Variants in TBXAS1 observed in about 807,000 individuals in gnomAD.
TBXAS1 encodes thromboxane A synthase 1, also known as thromboxane-A synthase.
A neutral mutation model predicts 60.7 loss-of-function variants in TBXAS1; 48 were observed. That is an observed-to-expected ratio of 0.79 (90% CI 0.63 to 1.01). TBXAS1 has a LOEUF of 1.01. Among genes scored for constraint, TBXAS1 ranks in the 50% least tolerant of loss-of-function variants. The pLI, the probability that TBXAS1 is intolerant of heterozygous loss-of-function variation, is 0.00. For missense variants in TBXAS1, 685 were observed against 686.3 expected, an observed-to-expected ratio of 1.00 and a Z score of 0.02; for synonymous variants, 287 against 269.7, an observed-to-expected ratio of 1.06 and a Z score of -0.63.
chr7:139,883,803 A>T (rs571672433), intron 3 of TBXAS1, among the ~76,000 whole-genome samples: 3 of 152,232 alleles, frequency 2.0e-5, no homozygotes, highest in Non-Finnish European at 4.4e-5. Context: ...ACACACATAC[A>T]TTTGAAATAA....
At chr7:139,785,790 C>T (rs1797172572) in intron 3 of TBXAS1, among the ~76,000 whole-genome samples, 2 of 152,072 alleles carry the variant, frequency 1.3e-5, no homozygotes, top group African/African-American at 4.8e-5. Context: ...CCTTCCCAAT[C>T]TCATCTCCCA....
chr7:139,824,674 A>G (rs1181890689), upstream of TBXAS1, among the ~76,000 whole-genome samples: 1 of 152,170 alleles, frequency 6.6e-6, no homozygotes, highest in Non-Finnish European at 1.5e-5. Flanking sequence ...ATAAAAACTA[A>G]AAATATACAT....
rs962629585 is a variant in TBXAS1 at position 139,941,032 on chromosome 7, G to A, written c.450+4725G>A. Among the ~76,000 whole-genome samples the A allele has an allele frequency of 2.6e-5, 4 of 152,118 alleles. No individual in the cohort carries two copies. In the South Asian group the frequency reaches 8.3e-4, roughly 31 times the overall value. On this transcript the variant is annotated intron_variant, in intron 5 of 12. Transcript: ENST00000448866. ...ACAAAAAGTCACAGACACAAAGAGG[G>A]AAATGAGCCACAGTGTTAGGAGATA... is the stretch of plus-strand genomic sequence containing the variant.
At chr7:140,007,895 G>A (rs1052242807) in intron 10 of TBXAS1, among the ~76,000 whole-genome samples, 1 of 152,184 alleles carries the variant, frequency 6.6e-6, no homozygotes, top group African/African-American at 2.4e-5. Context: ...CAACCTGTGG[G>A]TATCTTGAGA....
intron 1 of TBXAS1, among the ~76,000 whole-genome samples, chr7:139,837,658 G>A (rs1799157306): frequency 6.6e-6 from 1 of 152,160 alleles, no homozygotes; most frequent in Non-Finnish European, 1.5e-5. Context: ...TGGGGACTTG[G>A]AGGGAAGTAT....
At chr7:139,822,932 A>G (rs1798337210) in intron 4 of TBXAS1, among the ~76,000 whole-genome samples, 1 of 151,850 alleles carries the variant, frequency 6.6e-6, no homozygotes, top group East Asian at 1.9e-4. Context: ...TTGCTGCTCA[A>G]TTTTACCTCC....
At chr7:139,906,012 T>A (rs1805047967) in intron 3 of TBXAS1, 1 of 236,702 alleles carries the variant, frequency 4.2e-6, no homozygotes. Flanking sequence ...TTTGAGTTCA[T>A]TTTTTGCATA....
At chr7:140,014,521 G>A (rs1233027813) in intron 10 of TBXAS1, among the ~76,000 whole-genome samples, 5 of 152,154 alleles carry the variant, frequency 3.3e-5, no homozygotes, top group Non-Finnish European at 7.3e-5. Context: ...AGAAGAGCCT[G>A]CCAATGAGGG....
chr7:139,933,027 C>T (rs893791490), intron 4 of TBXAS1, among the ~76,000 whole-genome samples: 2 of 152,124 alleles, frequency 1.3e-5, no homozygotes, highest in East Asian at 1.9e-4. Context: ...AATGCACTAC[C>T]GCCTGGGTGA....
chr7:139,987,833 C>T (rs963481941), intron 9 of TBXAS1, among the ~76,000 whole-genome samples: 1 of 152,178 alleles, frequency 6.6e-6, no homozygotes, highest in Non-Finnish European at 1.5e-5. Flanking sequence ...CACATTGGGA[C>T]ACTAAGTAAT....
At chr7:140,012,867 A>G (rs1246915933) in intron 10 of TBXAS1, among the ~76,000 whole-genome samples, 1 of 152,220 alleles carries the variant, frequency 6.6e-6, no homozygotes, top group Non-Finnish European at 1.5e-5. Flanking sequence ...TTTTGTTTCT[A>G]GAATGTTGCA....
intron 9 of TBXAS1, among the ~76,000 whole-genome samples, chr7:140,003,123 T>TAA (rs1569524262): frequency 8.4e-6 from 1 of 119,430 alleles, no homozygotes. Flanking sequence ...AAACTCCGTC[T>TAA]CAAAAAAAAA....
chr7:139,967,263 CT>C (rs1390302031), intron 9 of TBXAS1, among the ~76,000 whole-genome samples: 1 of 152,226 alleles, frequency 6.6e-6, no homozygotes, highest in African/African-American at 2.4e-5. Context: ...TCTCCAAGTA[CT>C]TTTCCTTTGC....
At chr7:139,939,370 C>CAAAAAAA (rs61551753) in intron 5 of TBXAS1, among the ~76,000 whole-genome samples, 12 of 48,850 alleles carry the variant, frequency 2.5e-4, no homozygotes, top group East Asian at 7.9e-4. Context: ...GACTCCATCT[C>CAAAAAAA]AAAAAAAAAA....
intron 3 of TBXAS1, among the ~76,000 whole-genome samples, chr7:139,891,241 A>G (rs746079889): frequency 6.7e-6 from 1 of 149,706 alleles, no homozygotes; most frequent in Non-Finnish European, 1.5e-5. Context: ...ATTATAATAT[A>G]TATATATTTA....
At chr7:139,945,593 C>G (rs1363459587) in intron 5 of TBXAS1, among the ~76,000 whole-genome samples, 1 of 152,152 alleles carries the variant, frequency 6.6e-6, no homozygotes. Flanking sequence ...CTTGATATAA[C>G]AAATACCAAA....
In TBXAS1 at chr7:139,987,882, C is replaced by T. The variant is rs375219365; in HGVS notation, c.1135-19209C>T. 5.6e-4 allele frequency among the ~76,000 whole-genome samples: 86 copies of T among 152,300 alleles called. 1 individual carries two copies. The South Asian group carries it at 0.017, about 29-fold the overall frequency. On this transcript the variant is annotated intron_variant, in intron 9 of 12. Coordinates refer to ENST00000448866, the MANE Select transcript of TBXAS1 (RefSeq NM_001061.7). ...AGACTTTGGGGGCCACGGGAACCTCCCAGGCCCTAGGGGGCAGTAGCACCA... is the reference window on the plus strand; with the variant it reads ...AGACTTTGGGGGCCACGGGAACCTCTCAGGCCCTAGGGGGCAGTAGCACCA...
intron 8 of TBXAS1, among the ~76,000 whole-genome samples, chr7:139,958,945 G>A (rs558526550): frequency 2.0e-5 from 3 of 152,200 alleles, no homozygotes; most frequent in Admixed American, 2.0e-4. Context: ...GGGGAGAAGG[G>A]ATAAAGAAAG....
intron 3 of TBXAS1, among the ~76,000 whole-genome samples, chr7:139,879,995 T>C (rs542868817): frequency 6.6e-6 from 1 of 152,154 alleles, no homozygotes; most frequent in Non-Finnish European, 1.5e-5. Flanking sequence ...GATTCTCTGG[T>C]GCCTCAGCCA....
Sources: gnomAD v4.1 joint callset for allele counts (sites outside exome capture counted in the v4.1 genomes callset) on GRCh38, gnomAD v4.1.1 for gene constraint, MANE v1.5 for transcripts, NCBI Gene and HGNC (gene_info 2026-07-23, HGNC 2026-07-21) for gene names.